The following EEIG1 variants were observed in gnomAD, a reference collection of about 807,000 sequenced individuals.
EEIG1 encodes estrogen-induced osteoclastogenesis regulator 1.
At chr9:127,953,389 C>T in the EEIG1 span, 23 of 610,532 alleles carry the variant, frequency 3.8e-5, no homozygotes, top group Non-Finnish European at 6.4e-5. Context: ...TATATTGCAA[C>T]AACCATATGC....
the EEIG1 span, among the ~76,000 whole-genome samples, chr9:127,975,156 C>T: frequency 2.6e-5 from 4 of 152,190 alleles, no homozygotes; most frequent in African/African-American, 7.2e-5. Flanking sequence ...AGGAAAGACC[C>T]GGCCAGGCTG....
At chr9:127,973,323 G>T in the EEIG1 span, among the ~76,000 whole-genome samples, 7 of 152,164 alleles carry the variant, frequency 4.6e-5, no homozygotes, top group African/African-American at 1.7e-4. The surrounding 1 kb of genome is among the most constrained non-coding windows in gnomAD (Gnocchi z 4.2). Flanking sequence ...TACTGAACAA[G>T]CAGGGTTCAA....
chr9:127,969,880 T>C, the EEIG1 span, among the ~76,000 whole-genome samples: 1 of 152,168 alleles, frequency 6.6e-6, no homozygotes, highest in Non-Finnish European at 1.5e-5. Flanking sequence ...TCTAGAGGAC[T>C]CAGGCATCCA....
the EEIG1 span, among the ~76,000 whole-genome samples, chr9:127,979,516 G>A: frequency 6.6e-6 from 1 of 152,248 alleles, no homozygotes; most frequent in African/African-American, 2.4e-5. Context: ...GGGCTGGGTA[G>A]GCCAAAATCC....
chr9:127,963,497 C>A, the EEIG1 span, among the ~76,000 whole-genome samples: 3 of 152,226 alleles, frequency 2.0e-5, no homozygotes, highest in African/African-American at 7.2e-5. Context: ...CTCAGCAAGG[C>A]GGGACAAGCC....
the EEIG1 span, among the ~76,000 whole-genome samples, chr9:127,978,387 C>T: frequency 6.6e-6 from 1 of 152,212 alleles, no homozygotes; most frequent in Non-Finnish European, 1.5e-5. Context: ...AACACGCACA[C>T]ATGGGCTCTC....
chr9:127,952,806 C>A, the EEIG1 span, among the ~76,000 whole-genome samples: 2 of 152,140 alleles, frequency 1.3e-5, no homozygotes, highest in African/African-American at 4.8e-5. Flanking sequence ...TCCACCCTCC[C>A]GGGTGCAAGC....
chr9:127,946,352 C>A, the EEIG1 span, among the ~76,000 whole-genome samples: 16 of 152,360 alleles, frequency 1.1e-4, no homozygotes, highest in South Asian at 1.4e-3. Context: ...AACAGACTTT[C>A]CTGGCACTCC....
chr9:127,961,607 CA>C, the EEIG1 span, among the ~76,000 whole-genome samples: 1 of 152,180 alleles, frequency 6.6e-6, no homozygotes, highest in African/African-American at 2.4e-5. Flanking sequence ...GGAAGACAGA[CA>C]AAACCAGGCA....
the EEIG1 span, among the ~76,000 whole-genome samples, chr9:127,968,282 C>T: frequency 9.9e-5 from 15 of 152,180 alleles, no homozygotes; most frequent in Admixed American, 4.6e-4. Context: ...CCTGGCCCCT[C>T]GAATGACTAG....
the EEIG1 span, chr9:127,944,671 C>T: frequency 3.7e-6 from 6 of 1,612,754 alleles, no homozygotes; most frequent in Non-Finnish European, 5.1e-6. Flanking sequence ...TCACGAACAG[C>T]CGGAGGTTGC....
chr9:127,962,935 G>C, the EEIG1 span, among the ~76,000 whole-genome samples: 1 of 152,170 alleles, frequency 6.6e-6, no homozygotes, highest in Non-Finnish European at 1.5e-5. Flanking sequence ...ACCCTAATGT[G>C]GCCCAGGTCT....
chr9:127,978,083 A>G, the EEIG1 span, among the ~76,000 whole-genome samples: 1 of 152,152 alleles, frequency 6.6e-6, no homozygotes, highest in Non-Finnish European at 1.5e-5. Context: ...CAAGGAGGCC[A>G]GCCACCCCCA....
At chr9:127,977,307 A>C in the EEIG1 span, among the ~76,000 whole-genome samples, 1 of 152,220 alleles carries the variant, frequency 6.6e-6, no homozygotes, top group Non-Finnish European at 1.5e-5. Flanking sequence ...AGGAGGAAGA[A>C]GGGAAAACAG....
chr9:127,958,446 C>T, the EEIG1 span, among the ~76,000 whole-genome samples: 16 of 152,256 alleles, frequency 1.1e-4, no homozygotes, highest in South Asian at 3.3e-3. Flanking sequence ...GGGAGGATCA[C>T]TTGAGGCCAG....
At chr9:127,944,756 C>G in the EEIG1 span, 300 of 1,611,538 alleles carry the variant, frequency 1.9e-4, no homozygotes, top group Non-Finnish European at 1.0e-4. Flanking sequence ...GCCTCGCCCC[C>G]ACCAGCCCAG....
the EEIG1 span, among the ~76,000 whole-genome samples, chr9:127,979,272 C>T: frequency 1.3e-5 from 2 of 152,204 alleles, no homozygotes; most frequent in Admixed American, 6.5e-5. Context: ...CAAGGCTCTT[C>T]GGAGACAGGC....
At chr9:127,946,536 G>T in the EEIG1 span, among the ~76,000 whole-genome samples, 1 of 152,228 alleles carries the variant, frequency 6.6e-6, no homozygotes, top group African/African-American at 2.4e-5. Flanking sequence ...ATGGGGGGAG[G>T]CCAGCTCCAG....
chr9:127,971,078 G>A, the EEIG1 span, among the ~76,000 whole-genome samples: 1 of 152,224 alleles, frequency 6.6e-6, no homozygotes, highest in South Asian at 2.1e-4. Flanking sequence ...TGCAGAGTCT[G>A]CTCAGAGAGG....
Sources: gnomAD v4.1 joint callset for allele counts (sites outside exome capture counted in the v4.1 genomes callset) on GRCh38, gnomAD v4.1.1 for gene constraint, Gnocchi (gnomAD v3.1) non-coding constraint, MANE v1.5 for transcripts, NCBI Gene and HGNC (gene_info 2026-07-23, HGNC 2026-07-21) for gene names.